Variants in SDHC observed in about 807,000 individuals in gnomAD.
The protein encoded by SDHC is succinate dehydrogenase cytochrome b560 subunit, mitochondrial.
SDHC carries 11 observed loss-of-function variants against 22.6 expected under a neutral mutation model. The observed-to-expected ratio is 0.49, with a 90% CI of 0.31 to 0.81. The LOEUF (loss-of-function observed/expected upper bound fraction) is 0.81, where lower values mean the gene tolerates loss of function less well. Ranked by LOEUF, SDHC falls within the 30% of genes least tolerant of loss-of-function variation. SDHC has a pLI of 0.05. For synonymous variants in SDHC, 80 were observed against 77.8 expected, an observed-to-expected ratio of 1.03 and a Z score of -0.15; for missense variants, 160 against 212.0, an observed-to-expected ratio of 0.75 and a Z score of 1.52.
At chr1:161,342,895 T>A (rs377333537) in intron 4 of SDHC, among the ~76,000 whole-genome samples, 1 of 152,204 alleles carries the variant, frequency 6.6e-6, no homozygotes, top group Non-Finnish European at 1.5e-5. Flanking sequence ...CCCACTGTTT[T>A]ACCTTATGTA....
intron 4 of SDHC, 94 bp from the exon 5 acceptor site, chr1:161,356,583 A>C (rs1672281155): frequency 1.6e-6 from 2 of 1,250,836 alleles, no homozygotes; most frequent in African/African-American, 1.5e-5. Context: ...AAAATGGTTT[A>C]GAATTGTATG....
At chr1:161,357,917 T>C (rs1257858542) in intron 5 of SDHC, among the ~76,000 whole-genome samples, 1 of 152,080 alleles carries the variant, frequency 6.6e-6, no homozygotes, top group Non-Finnish European at 1.5e-5. Context: ...TAGATTACCT[T>C]TTCTTATCTA....
intron 3 of SDHC, among the ~76,000 whole-genome samples, chr1:161,328,847 C>T (rs1463039350): frequency 6.6e-6 from 1 of 152,024 alleles, no homozygotes; most frequent in Non-Finnish European, 1.5e-5. Flanking sequence ...TTCCCATATA[C>T]CTTTATATGG....
intron 4 of SDHC, among the ~76,000 whole-genome samples, chr1:161,341,350 C>A (rs900734181): frequency 3.9e-5 from 6 of 152,212 alleles, no homozygotes; most frequent in African/African-American, 1.4e-4. Context: ...GACTAGCTCA[C>A]TAACCAGTCT....
intron 4 of SDHC, among the ~76,000 whole-genome samples, chr1:161,355,472 G>T (rs1277233541): frequency 6.6e-6 from 1 of 152,126 alleles, no homozygotes; most frequent in Non-Finnish European, 1.5e-5. Flanking sequence ...CAATTCATCT[G>T]TTTTTTCTTT....
At chr1:161,354,320 A>G (rs1186344028) in intron 4 of SDHC, among the ~76,000 whole-genome samples, 1 of 152,348 alleles carries the variant, frequency 6.6e-6, no homozygotes, top group East Asian at 1.9e-4. Flanking sequence ...TGATCATTGA[A>G]AGAAATCTAA....
chr1:161,325,282 A>G (rs1047891344), intron 2 of SDHC, among the ~76,000 whole-genome samples: 1 of 151,984 alleles, frequency 6.6e-6, no homozygotes, highest in Non-Finnish European at 1.5e-5. Context: ...CTGAGGCAGG[A>G]GGATCCCTTG....
chr1:161,326,249 G>C (rs1165727644), intron 2 of SDHC, among the ~76,000 whole-genome samples: 1 of 151,610 alleles, frequency 6.6e-6, no homozygotes, highest in African/African-American at 2.4e-5. Flanking sequence ...GACCTCATCA[G>C]ATGATTCAGG....
At chr1:161,354,988 G>A (rs1260598290) in intron 4 of SDHC, among the ~76,000 whole-genome samples, 1 of 152,016 alleles carries the variant, frequency 6.6e-6, no homozygotes, top group Non-Finnish European at 1.5e-5. Context: ...GGGATTACAG[G>A]CATGAGCCAC....
intron 1 of SDHC, 56 bp downstream of exon 1, chr1:161,314,481 G>A (rs2102272261): frequency 1.3e-6 from 2 of 1,596,512 alleles, no homozygotes; most frequent in Non-Finnish European, 1.7e-6. Context: ...ATCTGAACTG[G>A]CCCCTCACGT....
chr1:161,334,367 T>C (rs1671392299), intron 3 of SDHC, among the ~76,000 whole-genome samples: 1 of 152,176 alleles, frequency 6.6e-6, no homozygotes, highest in African/African-American at 2.4e-5. Context: ...TAAGGACCTT[T>C]ATGATTACAC....
intron 3 of SDHC, among the ~76,000 whole-genome samples, chr1:161,339,263 G>C (rs918662715): frequency 6.6e-6 from 1 of 151,970 alleles, no homozygotes; most frequent in Admixed American, 6.6e-5. Context: ...GCTCACTGCA[G>C]TCTGGAGTTC....
At chr1:161,341,604 G>A (rs1273261037) in intron 4 of SDHC, among the ~76,000 whole-genome samples, 5 of 152,138 alleles carry the variant, frequency 3.3e-5, no homozygotes, top group African/African-American at 9.7e-5. Flanking sequence ...TGGTGCTGGA[G>A]ACATAGACAT....
At chr1:161,324,298 C>T (rs1312403510) in intron 2 of SDHC, among the ~76,000 whole-genome samples, 5 of 152,100 alleles carry the variant, frequency 3.3e-5, no homozygotes, top group East Asian at 1.9e-4. Context: ...TTTGTAGAGA[C>T]GAGGTTTCAC....
intron 4 of SDHC, among the ~76,000 whole-genome samples, chr1:161,344,480 G>C (rs578188465): frequency 6.6e-6 from 1 of 151,810 alleles, no homozygotes; most frequent in Non-Finnish European, 1.5e-5. Flanking sequence ...AAAGAAAAAA[G>C]TTGTTTTTTT....
intron 3 of SDHC, among the ~76,000 whole-genome samples, chr1:161,332,217 C>G (rs1384381090): frequency 6.6e-6 from 1 of 151,980 alleles, no homozygotes; most frequent in Non-Finnish European, 1.5e-5. Context: ...TCAAGCGATC[C>G]TCTCACCTTT....
Position 161,324,114 on chromosome 1 carries a change from C to G in SDHC, c.77+444C>G, listed in dbSNP as rs556161958. 2.6e-5 allele frequency among the ~76,000 whole-genome samples: 4 copies of G among 152,116 alleles called. No homozygotes were observed. The South Asian group carries it at 8.3e-4, about 32-fold the overall frequency. Reference sequence around the variant, plus strand: ...ACTGAAACTTAAGTAATTGTGGTGACTATTTATGGTTTGTGTGTATGTGTG... The same window carrying G: ...ACTGAAACTTAAGTAATTGTGGTGAGTATTTATGGTTTGTGTGTATGTGTG... On this transcript the variant is annotated intron_variant, in intron 2 of 5. Transcript: ENST00000367975.
chr1:161,329,307 T>C (rs1404315502), intron 3 of SDHC, among the ~76,000 whole-genome samples: 1 of 152,072 alleles, frequency 6.6e-6, no homozygotes, highest in Non-Finnish European at 1.5e-5. Flanking sequence ...GATATCCAAG[T>C]ATTATTCCTG....
chr1:161,324,018 T>C (rs1393616360), intron 2 of SDHC, among the ~76,000 whole-genome samples: 1 of 152,156 alleles, frequency 6.6e-6, no homozygotes, highest in African/African-American at 2.4e-5. Context: ...TTTTTTTCCT[T>C]AGGGAAGAGC....
Sources: allele counts gnomAD v4.1 joint callset (sites outside exome capture counted in the v4.1 genomes callset), GRCh38; gene constraint gnomAD v4.1.1; transcripts MANE v1.5; gene names NCBI Gene and HGNC (gene_info 2026-07-23, HGNC 2026-07-21).